The following PDE11A variants were observed in gnomAD, a reference collection of about 807,000 sequenced individuals.
PDE11A encodes the protein phosphodiesterase 11A.
In PDE11A, 100 loss-of-function variants were observed where a neutral mutation model predicts 100.5. The observed-to-expected ratio is 1.00, with a 90% CI of 0.85 to 1.18. The LOEUF (loss-of-function observed/expected upper bound fraction) is 1.18. Among genes scored for constraint, PDE11A ranks in the 50% most tolerant of loss-of-function variants. The probability of loss-of-function intolerance (pLI) is 0.00; values close to 1 mark genes in which losing one functional copy is unlikely to be tolerated. For synonymous variants in PDE11A, 381 were observed against 420.8 expected (o/e 0.91, Z 1.16); for missense variants, 1,141 against 1,152.6 (o/e 0.99, Z 0.15).
At chr2:178,050,987 A>G (rs2086819044) in intron 1 of PDE11A, among the ~76,000 whole-genome samples, 1 of 152,200 alleles carries the variant, frequency 6.6e-6, no homozygotes, top group Non-Finnish European at 1.5e-5. Context: ...CCAACATTCA[A>G]ATTCAGGAAA....
At chr2:177,929,263 C>A (rs1253580730) in intron 2 of PDE11A, among the ~76,000 whole-genome samples, 1 of 152,134 alleles carries the variant, frequency 6.6e-6, no homozygotes, top group African/African-American at 2.4e-5. Context: ...GCTCCTGGCA[C>A]TTCAAGAGGA....
chr2:177,923,354 CTG>C (rs1477374187), intron 2 of PDE11A, among the ~76,000 whole-genome samples: 1 of 110,692 alleles, frequency 9.0e-6, no homozygotes, highest in Non-Finnish European at 1.9e-5. Flanking sequence ...GAGCGAGGCT[CTG>C]TCTCTCCCCC....
At chr2:177,832,830 G>A (rs965574526) in intron 6 of PDE11A, among the ~76,000 whole-genome samples, 3 of 152,084 alleles carry the variant, frequency 2.0e-5, no homozygotes, top group Non-Finnish European at 4.4e-5. Context: ...GCGCTAGCAG[G>A]CCACTATGCA....
chr2:177,994,022 C>G (rs990648149), intron 2 of PDE11A, among the ~76,000 whole-genome samples: 1 of 151,532 alleles, frequency 6.6e-6, no homozygotes, highest in Non-Finnish European at 1.5e-5. Context: ...TGCAACCTCC[C>G]CCTCCCCGAG....
chr2:178,075,453 G>A (rs1237422332), upstream of PDE11A, among the ~76,000 whole-genome samples: 9 of 148,658 alleles, frequency 6.1e-5, no homozygotes, highest in Non-Finnish European at 3.0e-5. Flanking sequence ...TCAGGAGGCT[G>A]AAGCAGGAGA....
At chr2:177,897,794 A>T (rs985687552) in intron 4 of PDE11A, among the ~76,000 whole-genome samples, 1 of 152,186 alleles carries the variant, frequency 6.6e-6, no homozygotes, top group Admixed American at 6.5e-5. Context: ...TGAACCCCTT[A>T]GTTCCTTCAT....
At chr2:177,913,479 ATAGAG>A (rs1194090171) in intron 2 of PDE11A, among the ~76,000 whole-genome samples, 2 of 152,102 alleles carry the variant, frequency 1.3e-5, no homozygotes, top group East Asian at 1.9e-4. Flanking sequence ...AGAGAAATGC[ATAGAG>A]TAAAGTAATG....
chr2:178,026,426 C>A (rs960792847), intron 1 of PDE11A, among the ~76,000 whole-genome samples: 2 of 152,104 alleles, frequency 1.3e-5, no homozygotes, highest in African/African-American at 2.4e-5. Flanking sequence ...CTTTGGGAGG[C>A]CAAGGTGGGC....
chr2:177,757,946 T>C (rs2082113772), intron 10 of PDE11A, among the ~76,000 whole-genome samples: 1 of 152,132 alleles, frequency 6.6e-6, no homozygotes, highest in South Asian at 2.1e-4. Context: ...TGAAATGCTT[T>C]AGGCCCTGGA....
intron 2 of PDE11A, among the ~76,000 whole-genome samples, chr2:177,927,373 C>T (rs1289102840): frequency 6.6e-6 from 1 of 152,130 alleles, no homozygotes; most frequent in African/African-American, 2.4e-5. Flanking sequence ...GTCCAATATC[C>T]AATATGAATA....
intron 1 of PDE11A, among the ~76,000 whole-genome samples, chr2:178,034,320 G>T (rs1235163015): frequency 1.3e-5 from 2 of 152,040 alleles, no homozygotes; most frequent in African/African-American, 2.4e-5. Flanking sequence ...AACAAGAAAA[G>T]CTACCTATCC....
intron 2 of PDE11A, among the ~76,000 whole-genome samples, chr2:178,085,443 G>A (rs1313225386): frequency 6.6e-6 from 1 of 152,020 alleles, no homozygotes; most frequent in Non-Finnish European, 1.5e-5. Context: ...TCACTACTTG[G>A]GTGATGGCAT....
chr2:177,925,682 C>T (rs964202760), intron 2 of PDE11A, among the ~76,000 whole-genome samples: 1 of 152,192 alleles, frequency 6.6e-6, no homozygotes, highest in African/African-American at 2.4e-5. Context: ...TCTTCCCATA[C>T]ACACAGCTAC....
rs2081616815 is a variant in PDE11A, at chr2:177,727,545, C to G, written c.2043+113G>C. The G allele has an allele frequency of 6.5e-6, 5 of 768,264 alleles. No homozygotes were observed. The South Asian group carries it at 7.1e-5, about 11-fold the overall frequency. The allele number at this position is 768,264 out of a possible 1,614,324, so 47.6% of individuals were successfully genotyped here. A position where few individuals can be genotyped will look rare whatever the true frequency, so the allele number is the denominator to read the frequency against. On this transcript the variant is annotated intron_variant, in intron 12 of 19. Coordinates refer to ENST00000286063, the MANE Select transcript of PDE11A (RefSeq NM_016953.4). ...CTTTCATAACCAGGGTAGGTAAGTTCCAACATAAAATGATCACATGGTAAT... is the reference window on the plus strand; with the variant it reads ...CTTTCATAACCAGGGTAGGTAAGTTGCAACATAAAATGATCACATGGTAAT...
intron 2 of PDE11A, among the ~76,000 whole-genome samples, chr2:178,096,751 C>T (rs1349274840): frequency 6.6e-6 from 1 of 152,232 alleles, no homozygotes; most frequent in Non-Finnish European, 1.5e-5. Flanking sequence ...ACATCACTGT[C>T]AGCATTTTGG....
chr2:177,709,322 T>G (rs2081324844), intron 13 of PDE11A, among the ~76,000 whole-genome samples: 1 of 152,098 alleles, frequency 6.6e-6, no homozygotes, highest in Admixed American at 6.6e-5. Flanking sequence ...TGCTGTTCGT[T>G]GTAGCAAACC....
intron 1 of PDE11A, among the ~76,000 whole-genome samples, chr2:178,015,667 T>A (rs2086325952): frequency 6.6e-6 from 1 of 152,126 alleles, no homozygotes; most frequent in African/African-American, 2.4e-5. Context: ...GTCCTTATTC[T>A]TAGGATATAC....
intron 2 of PDE11A, among the ~76,000 whole-genome samples, chr2:177,935,692 A>C (rs12693145): frequency 0.086 from 13,149 of 152,218 alleles, 532 homozygotes; most frequent in South Asian, 0.1. Flanking sequence ...TTGGGGCAGG[A>C]TGCTCAGGGG....
chr2:177,739,557 C>T (rs554229847), intron 10 of PDE11A, among the ~76,000 whole-genome samples: 7 of 152,126 alleles, frequency 4.6e-5, no homozygotes, highest in Non-Finnish European at 1.0e-4. Flanking sequence ...GTGAGCTGGT[C>T]AGAAGAAATG....
Sources: gnomAD v4.1 joint callset for allele counts (sites outside exome capture counted in the v4.1 genomes callset) on GRCh38, gnomAD v4.1.1 for gene constraint, MANE v1.5 for transcripts, NCBI Gene and HGNC (gene_info 2026-07-23, HGNC 2026-07-21) for gene names.